SOX13: variants seen among roughly 807,000 people sequenced by gnomAD.
SOX13 encodes the protein transcription factor SOX-13.
In SOX13, 28 loss-of-function variants were observed where a neutral mutation model predicts 71.8. The observed-to-expected ratio is 0.39, with a 90% confidence interval of 0.29 to 0.53. SOX13 has a LOEUF of 0.53. Ranked by LOEUF, SOX13 falls within the 20% of genes least tolerant of loss-of-function variation. SOX13 has a pLI of 0.70. For missense variants in SOX13, 627 were observed against 810.3 expected, an observed-to-expected ratio of 0.77 and a Z score of 2.75; for synonymous variants, 309 against 317.8, an observed-to-expected ratio of 0.97 and a Z score of 0.29.
At chr1:204,120,982 CTTTTTTTTTT>C (rs11454769) in intron 7 of SOX13, among the ~76,000 whole-genome samples, 1 of 140,566 alleles carries the variant, frequency 7.1e-6, no homozygotes, top group Non-Finnish European at 1.5e-5. Flanking sequence ...ATTTTAAATT[CTTTTTTTTTT>C]TTTTTGAAAC....
chr1:204,077,969 A>T (rs1345205786), intron 1 of SOX13, among the ~76,000 whole-genome samples: 2 of 151,942 alleles, frequency 1.3e-5, no homozygotes, highest in Non-Finnish European at 2.9e-5. Flanking sequence ...GTGCCACCAC[A>T]CCTGGCTAAT....
intron 1 of SOX13, among the ~76,000 whole-genome samples, chr1:204,089,290 T>C (rs1379066437): frequency 6.6e-6 from 1 of 152,060 alleles, no homozygotes; most frequent in African/African-American, 2.4e-5. Context: ...GCACAGGGCA[T>C]TTTGAGCCCA....
chr1:204,077,693 T>G (rs954493908), intron 1 of SOX13, among the ~76,000 whole-genome samples: 1 of 152,220 alleles, frequency 6.6e-6, no homozygotes, highest in Non-Finnish European at 1.5e-5. Flanking sequence ...ATCAGAATAT[T>G]TACAGAGGTT....
intron 7 of SOX13, chr1:204,118,123 C>A (rs1656731217): frequency 3.0e-5 from 5 of 166,300 alleles, no homozygotes. Context: ...CCCATCTTTA[C>A]TAAAAATACA....
rs191264334 is a variant in SOX13, at chr1:204,103,232, T to A, written c.-1-9683T>A. Among the ~76,000 whole-genome samples, 12 of 152,386 alleles carry A rather than the reference T, an allele frequency of 7.9e-5. No homozygotes were observed. In the East Asian group the frequency reaches 2.3e-3, roughly 29 times the overall value. On this transcript the variant is annotated intron_variant, in intron 1 of 13. Coordinates refer to ENST00000367204, the MANE Select transcript of SOX13 (RefSeq NM_005686.3). ...AACTTGCCAGAGCTGCCTGGGTTTC[T>A]TTTGACTAAGTTTTCCTTGGCTATG...
intron 1 of SOX13, among the ~76,000 whole-genome samples, chr1:204,080,541 C>A (rs1267418634): frequency 6.6e-6 from 1 of 152,068 alleles, no homozygotes; most frequent in Non-Finnish European, 1.5e-5. Flanking sequence ...CTCTGCCTTA[C>A]CTCCCCCAGT....
intron 1 of SOX13, among the ~76,000 whole-genome samples, chr1:204,091,062 G>A (rs765052324): frequency 2.6e-5 from 4 of 152,204 alleles, no homozygotes; most frequent in Non-Finnish European, 5.9e-5. Flanking sequence ...CATTCATTCA[G>A]GCTGAAGCTG....
chr1:204,089,182 T>TG (rs35005426), intron 1 of SOX13, among the ~76,000 whole-genome samples: 10 of 95,006 alleles, frequency 1.1e-4, no homozygotes, highest in Admixed American at 3.1e-4. Context: ...GGAAGATGCA[T>TG]GGGGGGGTGG....
At chr1:204,122,519 T>G in intron 9 of SOX13, 120 bp downstream of exon 9, 1 of 768,030 alleles carries the variant, frequency 1.3e-6, no homozygotes, top group East Asian at 2.7e-5. Flanking sequence ...AAATGAGGGG[T>G]TAGACTTGCT....
rs557307487 is a variant in SOX13, at chr1:204,123,433, G to A, written c.1231+225G>A. On this transcript the variant is annotated intron_variant, in intron 11 of 13. Transcript: ENST00000367204. This position sits in a 1 kb window ranked among gnomAD's most constrained non-coding sequence, Gnocchi z 5.0. ...TTCTGCTCTCTCTTGAGGCCATACC[G>A]CTGTGATTTTCTTGTGTGTCTGTCT... Among the ~76,000 whole-genome samples, 4 of 152,282 alleles carry A rather than the reference G, an allele frequency of 2.6e-5. No individual in the cohort carries two copies. The highest frequency in any genetic ancestry group is 2.1e-4 in the South Asian group (1 of 4,818).
chr1:204,083,930 T>C (rs2102224397), intron 1 of SOX13, among the ~76,000 whole-genome samples: 1 of 152,088 alleles, frequency 6.6e-6, no homozygotes, highest in African/African-American at 2.4e-5. Flanking sequence ...AGACATAACA[T>C]AAAGATCTGG....
At chr1:204,107,026 A>G (rs562178709) in intron 1 of SOX13, among the ~76,000 whole-genome samples, 1 of 152,334 alleles carries the variant, frequency 6.6e-6, no homozygotes, top group African/African-American at 2.4e-5. Context: ...TTGCACAGCA[A>G]TGATTGGTCA....
In SOX13 at chr1:204,116,695, T is replaced by C. The variant is rs1558220450; in HGVS notation, c.591+16T>C. The C allele has an allele frequency of 2.5e-6, 4 of 1,611,764 alleles. No individual in the cohort carries two copies. In the Admixed American group the frequency reaches 6.7e-5, roughly 27 times the overall value. The stretch of plus-strand genomic sequence containing the variant: ...GCAGGAGCAGGTAGGTCCTGTTCGG[T>C]GGGTGTAGCTTTCTTTCCAGGAAAA... On this transcript the variant is annotated intron_variant, in intron 5 of 13. Transcript: ENST00000367204.
intron 1 of SOX13, among the ~76,000 whole-genome samples, chr1:204,111,214 C>A (rs1466745257): frequency 1.3e-5 from 2 of 152,208 alleles, no homozygotes. Flanking sequence ...ATTCTAAGTA[C>A]CATATAAATA....
intron 1 of SOX13, among the ~76,000 whole-genome samples, chr1:204,096,893 T>C (rs1022231834): frequency 1.3e-5 from 2 of 152,196 alleles, no homozygotes; most frequent in African/African-American, 4.8e-5. Flanking sequence ...CTTTTTTTGA[T>C]AATAGCCATC....
chr1:204,088,666 C>T (rs941456515), intron 1 of SOX13, among the ~76,000 whole-genome samples: 2 of 152,036 alleles, frequency 1.3e-5, no homozygotes, highest in Non-Finnish European at 2.9e-5. Context: ...GGGGTCATTC[C>T]TGCTGTTGAA....
chr1:204,101,085 G>C (rs973729812), intron 1 of SOX13, among the ~76,000 whole-genome samples: 1 of 152,230 alleles, frequency 6.6e-6, no homozygotes, highest in Non-Finnish European at 1.5e-5. Context: ...GGCCAAAGTT[G>C]TTTGCTGACT....
At chr1:204,086,819 C>T (rs1656032018) in intron 1 of SOX13, among the ~76,000 whole-genome samples, 1 of 152,134 alleles carries the variant, frequency 6.6e-6, no homozygotes, top group Non-Finnish European at 1.5e-5. Flanking sequence ...GCTGGGCTCA[C>T]AGTAAATGGT....
chr1:204,078,660 G>A (rs1250888003), intron 1 of SOX13, among the ~76,000 whole-genome samples: 1 of 152,110 alleles, frequency 6.6e-6, no homozygotes, highest in African/African-American at 2.4e-5. Context: ...TACCAGATGG[G>A]GAACTAGACC....
Sources: allele counts gnomAD v4.1 joint callset (sites outside exome capture counted in the v4.1 genomes callset), GRCh38; gene constraint gnomAD v4.1.1; non-coding constraint Gnocchi (gnomAD v3.1); transcripts MANE v1.5; gene names NCBI Gene and HGNC (gene_info 2026-07-23, HGNC 2026-07-21).